Variants in SSTR3 observed in about 807,000 individuals in gnomAD.
SSTR3 encodes the protein somatostatin receptor 3, also known as somatostatin receptor type 3.
For missense variants in SSTR3, 504 were observed against 604.7 expected (o/e 0.83, Z 1.75); for synonymous variants, 281 against 269.2 (o/e 1.04, Z -0.43).
chr22:37,207,790 T>G lies in SSTR3; in HGVS notation c.14A>C (p.His5Pro), dbSNP rs1158593036. The G allele has an allele frequency of 1.3e-6, 2 of 1,510,194 alleles. No homozygotes were observed. Among genetic ancestry groups the G allele is most frequent in the African/African-American group, 2.8e-5 (2 of 71,484 alleles). 93.5% of individuals were successfully genotyped at this position (1,510,194 alleles called of 1,614,324 possible). The change falls in exon 2 of 2, where the codon CAT (histidine) becomes CCT (proline). Residue 5 changes from histidine to proline, a missense_variant. By Grantham distance (77) the His-to-Pro change is moderately conservative. Coordinates refer to ENST00000610913, the MANE Select transcript of SSTR3 (RefSeq NM_001051.5). ...TGAGGTCGTGGACACCGATGATGGA[T>G]GAAGCATGTCCATGGCTGAGGGGAG... The part of the protein sequence containing the change: MDML[H>P]PSSVSTTSEP...
chr22:37,207,893 G>T (rs1028616839), intron 1 of SSTR3, 54 bp from the exon 2 acceptor site: 2 of 1,393,620 alleles, frequency 1.4e-6, no homozygotes, highest in South Asian at 1.7e-5. Flanking sequence ...TCTCTGTGCT[G>T]CCCCCTCCCA....
In SSTR3 at chr22:37,206,924, G is replaced by T; in HGVS notation, c.880C>A (p.Leu294Ile). ...PLPEEPAFFG[L>I]YFLVVALPYA... ...GGCAGCGCCACCACCAGGAAGTAGA[G>T]CCCAAAGAAGGCAGGCTCCTCGGGC... The change falls in exon 2 of 2, where the codon CTC becomes ATC. Residue 294 changes from leucine (L) to isoleucine (I), a missense_variant. Leu to Ile is a conservative substitution (Grantham distance 5). Coordinates refer to ENST00000610913, the MANE Select transcript of SSTR3 (RefSeq NM_001051.5). The T allele has an allele frequency of 6.2e-7, 1 of 1,613,522 alleles. No homozygotes were observed. Among genetic ancestry groups the T allele is most frequent in the Non-Finnish European group, 8.5e-7 (1 of 1,180,014 alleles).
In SSTR3 at chr22:37,206,740, T is replaced by C. The variant is rs532546526; in HGVS notation, c.1064A>G (p.Glu355Gly). The change falls in exon 2 of 2, where the codon GAG becomes GGG. Residue 355 changes from glutamate to glycine, a missense_variant. Coordinates refer to ENST00000610913, the MANE Select transcript of SSTR3 (RefSeq NM_001051.5). ...CTCCCTGCTCTCCTCCCCATCCTCC[T>C]CCTCCTCATCCTCCTCCTCAGTCTT... ...PEKTEEEDEE[E>G]EDGEESREGG... 1 of 1,592,398 alleles carries C rather than the reference T, an allele frequency of 6.3e-7. No individual in the cohort carries two copies. The highest frequency in any genetic ancestry group is 1.7e-5 in the Admixed American group (1 of 59,426).
At chr22:37,216,507 G>A (rs913784898), upstream of SSTR3, among the ~76,000 whole-genome samples, 4 of 152,080 alleles carry the variant, frequency 2.6e-5, no homozygotes, top group Non-Finnish European at 4.4e-5. Flanking sequence ...AAATATCTTC[G>A]ATTTCTTGGA....
chr22:37,210,711 A>G (rs1000569606), intron 1 of SSTR3: 3 of 985,452 alleles, frequency 3.0e-6, no homozygotes, highest in Non-Finnish European at 3.6e-6. Context: ...GAGACAGCAC[A>G]GAGAGGGTGA....
At position 37,212,004 on chromosome 22, in the gene SSTR3, C is replaced by T. The variant is rs2145807882; in HGVS notation, c.-216G>A. On this transcript the variant is annotated 5_prime_UTR_variant, in exon 1 of 2. An upstream open reading frame in the 5' UTR gains an earlier in-frame stop. Coordinates refer to ENST00000610913, the MANE Select transcript of SSTR3 (RefSeq NM_001051.5). ...CTCCCAGGCCCTCGGCCACGGCTGT[C>T]CACAGAGCCTCTCCCATCTGGTCTC... 1 of 985,778 alleles carries T rather than the reference C, an allele frequency of 1.0e-6. No homozygotes were observed. Among genetic ancestry groups the T allele is most frequent in the South Asian group, 4.7e-5 (1 of 21,298 alleles). The allele number at this position is 985,778 out of a possible 1,614,324, so 61.1% of individuals were successfully genotyped here.
chr22:37,212,135 G>T lies in SSTR3; in HGVS notation c.-347C>A. Reference sequence around the variant, plus strand: ...GGGGGGAGAAGCTTCCCAGGGTGAGGAAGAGAAGAGGGGAGCAAGGGACAC... The same window carrying T: ...GGGGGGAGAAGCTTCCCAGGGTGAGTAAGAGAAGAGGGGAGCAAGGGACAC... On this transcript the variant is annotated 5_prime_UTR_variant, in exon 1 of 2. Transcript: ENST00000610913. 1 of 985,180 alleles carries T rather than the reference G, an allele frequency of 1.0e-6. No homozygotes were observed. The highest frequency in any genetic ancestry group is 1.2e-6 in the Non-Finnish European group (1 of 829,962). 61.0% of individuals were successfully genotyped at this position (985,180 alleles called of 1,614,324 possible). A position where few individuals can be genotyped will look rare whatever the true frequency, so the allele number is the denominator to read the frequency against.
intron 1 of SSTR3, 68 bp from the exon 2 acceptor site, chr22:37,207,907 T>C (rs1353294890): frequency 2.9e-6 from 4 of 1,373,526 alleles, no homozygotes; most frequent in Non-Finnish European, 3.7e-6. Flanking sequence ...CCTCCCATCA[T>C]GCCGAACCTG....
At position 37,206,314 on chromosome 22, in the gene SSTR3, G is replaced by A; in HGVS notation, c.*233C>T. 1 of 612,986 alleles carries A rather than the reference G, an allele frequency of 1.6e-6. No homozygotes were observed. Among genetic ancestry groups the A allele is most frequent in the Non-Finnish European group, 2.7e-6 (1 of 376,622 alleles). The allele number at this position is 612,986 out of a possible 1,614,324, so 38.0% of individuals were successfully genotyped here. A position where few individuals can be genotyped will look rare whatever the true frequency, so the allele number is the denominator to read the frequency against. ...ACAGTGCCCTCCAAACCTCTCATCT[G>A]ACATAGCTCATCCAGGCTGATGACT... On this transcript the variant is annotated 3_prime_UTR_variant, in exon 2 of 2. Coordinates refer to ENST00000610913, the MANE Select transcript of SSTR3 (RefSeq NM_001051.5).
the SSTR3 span, among the ~76,000 whole-genome samples, chr22:37,218,645 G>A: frequency 2.1e-5 from 3 of 142,424 alleles, no homozygotes; most frequent in Non-Finnish European, 4.7e-5. Flanking sequence ...GTGATTATTT[G>A]CAAGGCATCA....
At chr22:37,213,788 C>T (rs573143700), upstream of SSTR3, among the ~76,000 whole-genome samples, 15 of 152,216 alleles carry the variant, frequency 9.9e-5, no homozygotes, top group South Asian at 4.1e-4. Context: ...GCTCTCTCGC[C>T]GCAGCCCACC....
At chr22:37,215,889 C>A (rs1000896565), upstream of SSTR3, 2 of 266,804 alleles carry the variant, frequency 7.5e-6, no homozygotes, top group Non-Finnish European at 1.7e-5. Context: ...TTGTGAGAAG[C>A]TGTGGCGAGA....
At chr22:37,216,801 T>A (rs1486666125), upstream of SSTR3, among the ~76,000 whole-genome samples, 2 of 152,152 alleles carry the variant, frequency 1.3e-5, no homozygotes, top group African/African-American at 4.8e-5. Flanking sequence ...TTTTTTTGTT[T>A]TGTTTTGTTT....
At chr22:37,217,402 T>G (rs1926493335), upstream of SSTR3, among the ~76,000 whole-genome samples, 1 of 152,242 alleles carries the variant, frequency 6.6e-6, no homozygotes, top group South Asian at 2.1e-4. Context: ...AAGATTTGAT[T>G]CTTTTTTCAT....
At chr22:37,219,559 T>G in the SSTR3 span, among the ~76,000 whole-genome samples, 1 of 152,186 alleles carries the variant, frequency 6.6e-6, no homozygotes, top group African/African-American at 2.4e-5. Flanking sequence ...TGGAGTCAGA[T>G]GTCCCCAAAT....
chr22:37,207,681 G>A lies in SSTR3; in HGVS notation c.123C>T (p.Ala41=), dbSNP rs746059269. 131 of 1,568,960 alleles carry A rather than the reference G, an allele frequency of 8.3e-5. No individual in the cohort carries two copies. The East Asian group carries it at 2.3e-3, about 27-fold the overall frequency. The part of the protein sequence containing the change: ...VSAGPSPAGL[A]VSGVLIPLVY... Reference sequence around the variant, plus strand: ...CCAGGGGGATCAGAACGCCACTGACGGCCAGCCCTGCCGGGCTTGGGCCCG... The same window carrying A: ...CCAGGGGGATCAGAACGCCACTGACAGCCAGCCCTGCCGGGCTTGGGCCCG... Residue 41 remains alanine, a synonymous_variant, in exon 2 of 2, where the codon GCC becomes GCT. Coordinates refer to ENST00000610913, the MANE Select transcript of SSTR3 (RefSeq NM_001051.5).
In SSTR3 at chr22:37,212,246, AGAGG is replaced by A; in HGVS notation, c.-462_-459del. 2 of 590,398 alleles carry A rather than the reference AGAGG, an allele frequency of 3.4e-6. No homozygotes were observed. The highest frequency in any genetic ancestry group is 2.1e-6 in the Non-Finnish European group (1 of 470,228). The allele number at this position is 590,398 out of a possible 1,614,324, so 36.6% of individuals were successfully genotyped here. A position where few individuals can be genotyped will look rare whatever the true frequency, so the allele number is the denominator to read the frequency against. ...GAGAAAGAGGGAGGGGGAGAGAGAG[AGAGG>A]GAGAGGGAGAGGAGACCGTGAGTAG... On this transcript the variant is annotated 5_prime_UTR_variant, in exon 1 of 2. It introduces an in-frame stop codon into an upstream open reading frame of the 5' UTR. Transcript: ENST00000610913.
intron 1 of SSTR3, among the ~76,000 whole-genome samples, 188 bp downstream of exon 1, chr22:37,211,637 G>A (rs561124127): frequency 1.3e-5 from 2 of 152,250 alleles, no homozygotes; most frequent in South Asian, 2.1e-4. Context: ...ATCATGGCAC[G>A]AGATTCTGAG....
At chr22:37,211,557 C>A (rs1401236207) in intron 1 of SSTR3, among the ~76,000 whole-genome samples, 1 of 152,162 alleles carries the variant, frequency 6.6e-6, no homozygotes, top group Non-Finnish European at 1.5e-5. Flanking sequence ...GCTGGGGAAG[C>A]CAACGACATG....
Sources: gnomAD v4.1 joint callset for allele counts (sites outside exome capture counted in the v4.1 genomes callset) on GRCh38, gnomAD v4.1.1 for gene constraint, MANE v1.5 for transcripts, NCBI Gene and HGNC (gene_info 2026-07-23, HGNC 2026-07-21) for gene names.